The following TFAM variants were observed in gnomAD, a reference collection of about 807,000 sequenced individuals.
The protein encoded by TFAM is transcription factor A, mitochondrial.
A neutral mutation model predicts 30.6 loss-of-function variants in TFAM; 13 were observed. The observed-to-expected ratio is 0.42, with a 90% CI of 0.28 to 0.67. The LOEUF is 0.67. Among genes scored for constraint, TFAM ranks in the 30% least tolerant of loss-of-function variants. TFAM has a pLI of 0.21. For synonymous variants in TFAM, 106 were observed against 94.8 expected, an observed-to-expected ratio of 1.12 and a Z score of -0.69; for missense variants, 231 against 293.7, an observed-to-expected ratio of 0.79 and a Z score of 1.56.
chr10:58,386,629 G>A, intron 2 of TFAM: 1 of 1,192,424 alleles, frequency 8.4e-7, no homozygotes, highest in East Asian at 5.3e-5. Context: ...GACCACTGAT[G>A]AATTATTTTC....
intron 5 of TFAM, 72 bp downstream of exon 5, chr10:58,390,932 A>T: frequency 1.5e-6 from 2 of 1,329,518 alleles, no homozygotes. Context: ...GCCATGTGTC[A>T]GGTAGTGAAG....
Position 58,385,445 on chromosome 10 carries a change from G to A in TFAM, c.-103G>A, listed in dbSNP as rs1035872469. On this transcript the variant is annotated 5_prime_UTR_variant, in exon 1 of 7. Transcript: ENST00000487519. ...GCTAGTGGCGGGCATGATAACACAC[G>A]CCGGAGGGTCGCACGCGGGTTCCAG... 1.1e-4 allele frequency: 90 copies of A among 845,892 alleles called. No individual in the cohort carries two copies. The South Asian group carries it at 1.2e-3, about 11-fold the overall frequency. The allele number at this position is 845,892 out of a possible 1,614,324, so 52.4% of individuals were successfully genotyped here. A position where few individuals can be genotyped will look rare whatever the true frequency, so the allele number is the denominator to read the frequency against.
chr10:58,389,853 C>T (rs1042100997), intron 4 of TFAM, among the ~76,000 whole-genome samples: 1 of 152,188 alleles, frequency 6.6e-6, no homozygotes, highest in African/African-American at 2.4e-5. Flanking sequence ...TTCTCTCTTT[C>T]TTTTGTAATT....
intron 3 of TFAM, 83 bp downstream of exon 3, chr10:58,388,343 A>T: frequency 1.7e-6 from 2 of 1,169,194 alleles, no homozygotes; most frequent in Non-Finnish European, 2.6e-6. Context: ...GACCAGATGG[A>T]TCAGACTTTT....
At chr10:58,394,688 C>T (rs1312936095) in intron 6 of TFAM, 1 of 634,740 alleles carries the variant, frequency 1.6e-6, no homozygotes, top group Admixed American at 2.7e-5. Flanking sequence ...CTTCCTGCAC[C>T]TCAAGATCTG....
At chr10:58,385,749 A>G (rs1840474215) in intron 1 of TFAM, 101 bp downstream of exon 1, 4 of 928,546 alleles carry the variant, frequency 4.3e-6, no homozygotes, top group Non-Finnish European at 6.8e-6. Flanking sequence ...CTAGGAGTTC[A>G]GAGTCACCCT....
At chr10:58,391,862 A>AT (rs1241961504) in intron 5 of TFAM, among the ~76,000 whole-genome samples, 1 of 144,042 alleles carries the variant, frequency 6.9e-6, no homozygotes, top group African/African-American at 2.6e-5. Context: ...TGCTATGATT[A>AT]TTTTTTCTTT....
At chr10:58,393,704 G>T (rs938345309) in intron 5 of TFAM, among the ~76,000 whole-genome samples, 1 of 151,994 alleles carries the variant, frequency 6.6e-6, no homozygotes, top group Non-Finnish European at 1.5e-5. Flanking sequence ...CCTGGGCAAC[G>T]TGGTAAGACC....
Position 58,390,806 on chromosome 10 carries a change from T to A in TFAM, c.483T>A (p.Ala161=), listed in dbSNP as rs1291829286. Residue 161 remains alanine, a synonymous_variant, in exon 5 of 7, where the codon GCT becomes GCA. Coordinates refer to ENST00000487519, the MANE Select transcript of TFAM (RefSeq NM_003201.3). ...GAAAACCAAAAAGACCTCGTTCAGCTTATAACGTTTATGTAGCTGAAAGAT... is the reference window on the plus strand; with the variant it reads ...GAAAACCAAAAAGACCTCGTTCAGCATATAACGTTTATGTAGCTGAAAGAT... ...LLGKPKRPRS[A]YNVYVAERFQ... The A allele has an allele frequency of 1.2e-6, 2 of 1,613,270 alleles. No homozygotes were observed. Among genetic ancestry groups the A allele is most frequent in the Non-Finnish European group, 1.7e-6 (2 of 1,179,750 alleles).
chr10:58,385,703 T>C, intron 1 of TFAM, 55 bp downstream of exon 1: 1 of 1,332,610 alleles, frequency 7.5e-7, no homozygotes, highest in South Asian at 1.3e-5. Flanking sequence ...GTCCCGGGGT[T>C]GGAATGTAGA....
rs1380605726 is a variant in TFAM, at chr10:58,386,459, G to A, written c.220+121G>A. 7 of 841,116 alleles carry A rather than the reference G, an allele frequency of 8.3e-6. No individual in the cohort carries two copies. The East Asian group carries it at 9.9e-5, about 12-fold the overall frequency. 52.1% of individuals were successfully genotyped at this position (841,116 alleles called of 1,614,324 possible). A position where few individuals can be genotyped will look rare whatever the true frequency, so the allele number is the denominator to read the frequency against. On this transcript the variant is annotated intron_variant, in intron 2 of 6. Coordinates refer to ENST00000487519, the MANE Select transcript of TFAM (RefSeq NM_003201.3). ...GTGACTGCAGGAACAATCATTTGAT[G>A]TCTGTAAAATAGGAAGTTCTATTTT...
intron 3 of TFAM, 105 bp downstream of exon 3, chr10:58,388,365 C>G (rs929210217): frequency 2.1e-6 from 2 of 965,122 alleles, no homozygotes. Context: ...AAAAAATAAT[C>G]TGTTATCTAC....
In TFAM at chr10:58,390,757, T is replaced by A. The variant is rs1840577569; in HGVS notation, c.442-8T>A. On this transcript the variant is annotated splice_polypyrimidine_tract_variant and splice_region_variant and intron_variant, in intron 4 of 6. Coordinates refer to ENST00000487519, the MANE Select transcript of TFAM (RefSeq NM_003201.3). ...ACTATTTTTGACCCTCCAATTTTTTTAATTCAGGAGTTAACACTGCTTGGA... is the reference window on the plus strand; with the variant it reads ...ACTATTTTTGACCCTCCAATTTTTTAAATTCAGGAGTTAACACTGCTTGGA... 5 of 1,610,376 alleles carry A rather than the reference T, an allele frequency of 3.1e-6. No individual in the cohort carries two copies. Among genetic ancestry groups the A allele is most frequent in the South Asian group, 1.1e-5 (1 of 90,978 alleles).
intron 3 of TFAM, 23 bp from the exon 4 acceptor site, chr10:58,388,647 T>G (rs760728446): frequency 6.2e-6 from 10 of 1,608,914 alleles, no homozygotes; most frequent in South Asian, 1.1e-5. Flanking sequence ...GTTTGTTGAC[T>G]TACTTGGGTT....
In TFAM at chr10:58,395,119, C is replaced by A; in HGVS notation, c.*45C>A. The A allele has an allele frequency of 6.3e-7, 1 of 1,595,140 alleles. No homozygotes were observed. The highest frequency in any genetic ancestry group is 8.6e-7 in the Non-Finnish European group (1 of 1,164,248). On this transcript the variant is annotated 3_prime_UTR_variant, in exon 7 of 7. Transcript: ENST00000487519. The stretch of plus-strand genomic sequence containing the variant: ...GTTCACAATGGATAGGCACAGGAAA[C>A]CAGTTAGGTCTCAATACCTGAAGCT...
At chr10:58,391,744 A>G (rs1840602451) in intron 5 of TFAM, among the ~76,000 whole-genome samples, 1 of 151,792 alleles carries the variant, frequency 6.6e-6, no homozygotes, top group Non-Finnish European at 1.5e-5. Flanking sequence ...AGGTTGGTGC[A>G]AAAGTAATTG....
chr10:58,393,123 G>C lies in TFAM; in HGVS notation c.538-1235G>C, dbSNP rs1052920908. On this transcript the variant is annotated intron_variant, in intron 5 of 6. Coordinates refer to ENST00000487519, the MANE Select transcript of TFAM (RefSeq NM_003201.3). ...GCCTGCCTAGTAGCTGGGACCACAG[G>C]CACGTGCCACCACACCTGGCTAATT... is the stretch of plus-strand genomic sequence containing the variant. Among the ~76,000 whole-genome samples, 7 of 151,700 alleles carry C rather than the reference G, an allele frequency of 4.6e-5. No individual in the cohort carries two copies. In the East Asian group the frequency reaches 1.4e-3, roughly 29 times the overall value.
Position 58,397,756 on chromosome 10 carries a change from TGTGTGTGTGTGTGTGTGCAC to T in TFAM, c.*2693_*2712del, listed in dbSNP as rs1419215507. ...ACTCATATAAAGTCTTATTTGTGTG[TGTGTGTGTGTGTGTGTGCAC>T]GTGTGTGTGTTAGAGTCTCATTATA... On this transcript the variant is annotated 3_prime_UTR_variant, in exon 7 of 7. Transcript: ENST00000487519. The T allele has an allele frequency of 1.3e-5, 2 of 148,210 alleles. No individual in the cohort carries two copies. The highest frequency in any genetic ancestry group is 5.3e-5 in the African/African-American group (2 of 37,994). 9.2% of individuals were successfully genotyped at this position (148,210 alleles called of 1,614,324 possible).
Position 58,388,812 on chromosome 10 carries a change from A to C in TFAM, c.434A>C (p.Lys145Thr). 6.2e-7 allele frequency: 1 copy of C among 1,606,446 alleles called. No homozygotes were observed. The highest frequency in any genetic ancestry group is 1.3e-5 in the African/African-American group (1 of 74,756). Reference sequence around the variant, plus strand: ...CATTTAAAAAGGAAAGCTATGACAAAAAAAAAAGTGAGTATCATTGAAATA... The same window carrying C: ...CATTTAAAAAGGAAAGCTATGACAACAAAAAAAGTGAGTATCATTGAAATA... ...DKHLKRKAMT[K>T]KKELTLLGKP... Residue 145 changes from lysine (K) to threonine (T), a missense_variant, in exon 4 of 7, where the codon AAA (lysine) becomes ACA (threonine). Transcript: ENST00000487519.
Sources: allele counts gnomAD v4.1 joint callset (sites outside exome capture counted in the v4.1 genomes callset), GRCh38; gene constraint gnomAD v4.1.1; transcripts MANE v1.5; gene names NCBI Gene and HGNC (gene_info 2026-07-23, HGNC 2026-07-21).